ABAT: variants seen among roughly 807,000 people sequenced by gnomAD.
The protein encoded by ABAT is 4-aminobutyrate aminotransferase, mitochondrial.
ABAT carries 45 observed loss-of-function variants against 64.6 expected under a neutral mutation model. That is an observed-to-expected ratio of 0.70 (90% CI 0.55 to 0.89). The LOEUF is 0.89. Among genes scored for constraint, ABAT ranks in the 40% least tolerant of loss-of-function variants. ABAT has a pLI of 0.00. For synonymous variants in ABAT, 297 were observed against 250.5 expected (o/e 1.19, Z -1.75); for missense variants, 633 against 658.4 (o/e 0.96, Z 0.42).
chr16:8,698,774 T>A (rs550365786), intron 1 of ABAT, among the ~76,000 whole-genome samples: 1 of 151,590 alleles, frequency 6.6e-6, no homozygotes, highest in African/African-American at 2.4e-5. Context: ...ATGAAACCCA[T>A]CTCTACAAAA....
intron 6 of ABAT, among the ~76,000 whole-genome samples, chr16:8,762,822 C>T (rs2059835333): frequency 3.3e-5 from 5 of 152,042 alleles, no homozygotes; most frequent in Admixed American, 3.3e-4. Flanking sequence ...AAGTCCCCTC[C>T]AAGGTTGGGC....
intron 1 of ABAT, among the ~76,000 whole-genome samples, chr16:8,704,500 T>A (rs866676890): frequency 6.6e-6 from 1 of 152,140 alleles, no homozygotes; most frequent in Non-Finnish European, 1.5e-5. Flanking sequence ...TAATGAAGAA[T>A]CAGAAACTAC....
At chr16:8,777,826 C>T (rs2060311452) in intron 14 of ABAT, among the ~76,000 whole-genome samples, 1 of 152,138 alleles carries the variant, frequency 6.6e-6, no homozygotes, top group Non-Finnish European at 1.5e-5. Context: ...CAAGAATGTG[C>T]CCACTGCCAG....
At chr16:8,746,621 T>C (rs1333035105) in intron 3 of ABAT, among the ~76,000 whole-genome samples, 2 of 151,034 alleles carry the variant, frequency 1.3e-5, no homozygotes, top group African/African-American at 4.9e-5. Context: ...CCTCAAGTGA[T>C]CCACCCGCGT....
Position 8,764,670 on chromosome 16 carries a change from C to G in ABAT, c.448-68C>G. ...TACGGCCCCTGCGAAGATTCAGCTC[C>G]AGCCAGGGGAAGCGGGAGGACAGGA... On this transcript the variant is annotated intron_variant, in intron 7 of 15. Transcript: ENST00000268251. This position sits in a 1 kb window ranked among gnomAD's most constrained non-coding sequence, Gnocchi z 4.2. 2 of 1,448,278 alleles carry G rather than the reference C, an allele frequency of 1.4e-6. No homozygotes were observed. Among genetic ancestry groups the G allele is most frequent in the Non-Finnish European group, 1.9e-6 (2 of 1,030,074 alleles). 89.7% of individuals were successfully genotyped at this position (1,448,278 alleles called of 1,614,324 possible). A position where few individuals can be genotyped will look rare whatever the true frequency, so the allele number is the denominator to read the frequency against.
At chr16:8,777,281 T>C (rs1204789747) in intron 14 of ABAT, among the ~76,000 whole-genome samples, 5 of 150,100 alleles carry the variant, frequency 3.3e-5, no homozygotes, top group Admixed American at 2.7e-4. Context: ...CCCCCTCTAG[T>C]GTGTTCATTA....
intron 6 of ABAT, among the ~76,000 whole-genome samples, chr16:8,761,668 G>A (rs2059801764): frequency 6.6e-6 from 1 of 152,208 alleles, no homozygotes; most frequent in African/African-American, 2.4e-5. Context: ...GGGCTAAAAG[G>A]TTTCCAGCAG....
Position 8,781,877 on chromosome 16 carries a change from C to T in ABAT, c.*447C>T, listed in dbSNP as rs1404462474. On this transcript the variant is annotated 3_prime_UTR_variant, in exon 16 of 16. Coordinates refer to ENST00000268251, the MANE Select transcript of ABAT (RefSeq NM_020686.6). This position sits in a 1 kb window ranked among gnomAD's most constrained non-coding sequence, Gnocchi z 4.5. ...TTGGCTCCCCCTCGCCCTATGCAAG[C>T]AAACACACTCTCACCTCCTCTCCCA... 3.1e-6 allele frequency: 1 copy of T among 325,412 alleles called. No individual in the cohort carries two copies. Among genetic ancestry groups the T allele is most frequent in the Non-Finnish European group, 6.0e-6 (1 of 167,522 alleles). 20.2% of individuals were successfully genotyped at this position (325,412 alleles called of 1,614,324 possible). A position where few individuals can be genotyped will look rare whatever the true frequency, so the allele number is the denominator to read the frequency against.
At chr16:8,686,108 G>T (rs181729836) in intron 1 of ABAT, among the ~76,000 whole-genome samples, 1 of 152,110 alleles carries the variant, frequency 6.6e-6, no homozygotes, top group African/African-American at 2.4e-5. Context: ...GCACCACCCC[G>T]GCAGGACAGG....
chr16:8,702,257 G>A (rs2057839674), intron 1 of ABAT, among the ~76,000 whole-genome samples: 1 of 151,398 alleles, frequency 6.6e-6, no homozygotes, highest in African/African-American at 2.4e-5. Flanking sequence ...GCAGAGAGGT[G>A]CTGCACTCTT....
rs1182982057 is a variant in ABAT, at chr16:8,700,959, A to T, written c.-42+26248A>T. Among the ~76,000 whole-genome samples the T allele has an allele frequency of 3.7e-5, 5 of 133,534 alleles. No homozygotes were observed. The South Asian group carries it at 1.2e-3, about 31-fold the overall frequency. The allele number at this position is 133,534 out of a possible 152,430, so 87.6% of individuals were successfully genotyped here. On this transcript the variant is annotated intron_variant, in intron 1 of 15. Transcript: ENST00000268251. ...GTTTTGTTTTTTCTCTTTGAGATGG[A>T]GTGTCACTCTGTCTGTCACTCAGGC...
chr16:8,759,840 A>C (rs1261989750), intron 6 of ABAT, among the ~76,000 whole-genome samples: 2 of 152,104 alleles, frequency 1.3e-5, no homozygotes, highest in Non-Finnish European at 2.9e-5. Flanking sequence ...CACCACACCC[A>C]GTTGTATTTC....
chr16:8,772,957 T>A (rs1396374002), intron 12 of ABAT, 40 bp downstream of exon 12: 4 of 1,611,844 alleles, frequency 2.5e-6, no homozygotes, highest in Non-Finnish European at 1.7e-6. Flanking sequence ...GCCATTGGGT[T>A]TTCTGGGTTG....
At chr16:8,772,099 G>A (rs560728344) in intron 11 of ABAT, among the ~76,000 whole-genome samples, 72 of 152,232 alleles carry the variant, frequency 4.7e-4, no homozygotes, top group Middle Eastern at 3.4e-3. Context: ...ATATATCTCC[G>A]ATTCTGCCCC....
intron 1 of ABAT, among the ~76,000 whole-genome samples, chr16:8,682,192 C>A (rs2057350847): frequency 8.1e-6 from 1 of 123,958 alleles, no homozygotes; most frequent in Non-Finnish European, 1.9e-5. Context: ...AGGATACACA[C>A]ACACACACAC....
intron 1 of ABAT, among the ~76,000 whole-genome samples, chr16:8,710,453 A>C (rs2058041476): frequency 6.6e-6 from 1 of 152,052 alleles, no homozygotes. Context: ...TAGAGAGATG[A>C]GAGGCTGGGC....
chr16:8,712,402 G>C (rs142794050), intron 1 of ABAT, among the ~76,000 whole-genome samples: 197 of 152,318 alleles, frequency 1.3e-3, no homozygotes, highest in African/African-American at 4.5e-3. Context: ...GTTAATGGTA[G>C]AGGCTAGTAG....
chr16:8,745,924 A>G, intron 2 of ABAT, 77 bp from the exon 3 acceptor site: 1 of 1,391,320 alleles, frequency 7.2e-7, no homozygotes, highest in Middle Eastern at 1.8e-4. Flanking sequence ...TGTTAGGGAC[A>G]TTGGGCATCT....
Position 8,757,081 on chromosome 16 carries a change from G to C in ABAT, c.317-676G>C, listed in dbSNP as rs113017745. On this transcript the variant is annotated intron_variant, in intron 5 of 15. Coordinates refer to ENST00000268251, the MANE Select transcript of ABAT (RefSeq NM_020686.6). ...CATGGGCGCTGGGAAGGAAGGTGAG[G>C]ATCCTATCTGCAATCCAGCACTAGG... 1.8e-5 allele frequency: 8 copies of C among 441,734 alleles called. 1 individual carries two copies. The highest frequency in any genetic ancestry group is 1.0e-4 in the African/African-American group (5 of 48,950). The allele number at this position is 441,734 out of a possible 1,614,324, so 27.4% of individuals were successfully genotyped here.
Sources: gnomAD v4.1 joint callset for allele counts (sites outside exome capture counted in the v4.1 genomes callset) on GRCh38, gnomAD v4.1.1 for gene constraint, Gnocchi (gnomAD v3.1) non-coding constraint, MANE v1.5 for transcripts, NCBI Gene and HGNC (gene_info 2026-07-23, HGNC 2026-07-21) for gene names.